COPS3: variants seen among roughly 807,000 people sequenced by gnomAD.
The protein encoded by COPS3 is COP9 signalosome complex subunit 3.
A neutral mutation model predicts 58.2 loss-of-function variants in COPS3; 10 were observed. The ratio of observed to expected loss-of-function variants is 0.17; its 90% CI spans 0.11 to 0.29. The LOEUF (loss-of-function observed/expected upper bound fraction) is 0.29, where lower values mean the gene tolerates loss of function less well. COPS3 is among the 10% of genes least tolerant of loss of function. COPS3 has a pLI of 1.00. For synonymous variants in COPS3, 187 were observed against 181.7 expected, an observed-to-expected ratio of 1.03 and a Z score of -0.24; for missense variants, 333 against 510.1, an observed-to-expected ratio of 0.65 and a Z score of 3.34.
intron 8 of COPS3, among the ~76,000 whole-genome samples, chr17:17,255,956 T>G (rs987687592): frequency 1.2e-4 from 18 of 150,086 alleles, no homozygotes; most frequent in Non-Finnish European, 7.4e-5. Context: ...GATCACGAGG[T>G]CAGGACATCG....
intron 2 of COPS3, among the ~76,000 whole-genome samples, chr17:17,273,192 A>T (rs2048388727): frequency 6.6e-6 from 1 of 152,202 alleles, no homozygotes; most frequent in Admixed American, 6.6e-5. Context: ...ATGTGTCCGG[A>T]GCAGAGTTTA....
At chr17:17,252,024 G>A (rs144615996) in intron 9 of COPS3, among the ~76,000 whole-genome samples, 4,514 of 151,672 alleles carry the variant, frequency 0.03, 95 homozygotes, top group African/African-American at 0.057. Flanking sequence ...AGCTGAGATC[G>A]CACCACTGCA....
Position 17,270,818 on chromosome 17 carries a change from T to C in COPS3, c.299-11A>G, listed in dbSNP as rs1278433383. The C allele has an allele frequency of 1.2e-6, 2 of 1,600,424 alleles. No homozygotes were observed. The highest frequency in any genetic ancestry group is 1.7e-6 in the Non-Finnish European group (2 of 1,172,692). On this transcript the variant is annotated splice_polypyrimidine_tract_variant and intron_variant, in intron 3 of 11. Coordinates refer to ENST00000268717, the MANE Select transcript of COPS3 (RefSeq NM_003653.4). Reference sequence around the variant, plus strand: ...GGCAAAGCCCAGCAACTAGATACAATAACAAAATATTCAAAATATAAATAT... The same window carrying C: ...GGCAAAGCCCAGCAACTAGATACAACAACAAAATATTCAAAATATAAATAT...
Position 17,265,113 on chromosome 17 carries a change from T to C in COPS3, c.442-132A>G, listed in dbSNP as rs142074707. The C allele has an allele frequency of 1.0e-5, 8 of 776,760 alleles. No homozygotes were observed. The East Asian group carries it at 2.1e-4, about 21-fold the overall frequency. The allele number at this position is 776,760 out of a possible 1,614,324, so 48.1% of individuals were successfully genotyped here. A position where few individuals can be genotyped will look rare whatever the true frequency, so the allele number is the denominator to read the frequency against. On this transcript the variant is annotated intron_variant, in intron 5 of 11. Coordinates refer to ENST00000268717, the MANE Select transcript of COPS3 (RefSeq NM_003653.4). ...TTTTACATTTTATTGACTAAAATTA[T>C]CTAAATGTCAACACATTTCATGTAT...
intron 8 of COPS3, among the ~76,000 whole-genome samples, chr17:17,258,275 G>A (rs1045342602): frequency 4.6e-5 from 7 of 152,104 alleles, no homozygotes; most frequent in Admixed American, 3.3e-4. Context: ...AGACCATTTC[G>A]AGTTGAGACT....
intron 7 of COPS3, 137 bp downstream of exon 7, chr17:17,261,829 T>C: frequency 1.5e-6 from 1 of 680,598 alleles, no homozygotes. Context: ...TAGCAGACAT[T>C]CAATAAATGT....
intron 7 of COPS3, chr17:17,261,695 A>AG (rs1369616746): frequency 2.8e-4 from 119 of 431,020 alleles, no homozygotes; most frequent in African/African-American, 2.3e-3. Flanking sequence ...CTCTGTCTCT[A>AG]GGGAAAAAAA....
At chr17:17,265,128 A>G (rs995933832) in intron 5 of COPS3, 147 bp from the exon 6 acceptor site, 1 of 725,228 alleles carries the variant, frequency 1.4e-6, no homozygotes, top group East Asian at 2.7e-5. Context: ...ATGTCAACAC[A>G]TTTCATGTAT....
intron 2 of COPS3, among the ~76,000 whole-genome samples, chr17:17,273,687 C>CA (rs1425416793): frequency 6.6e-6 from 1 of 152,012 alleles, no homozygotes; most frequent in Non-Finnish European, 1.5e-5. Flanking sequence ...CCTGTCTTTA[C>CA]AAAAAAACAC....
chr17:17,251,179 A>G (rs556370252), intron 9 of COPS3, among the ~76,000 whole-genome samples: 1 of 152,082 alleles, frequency 6.6e-6, no homozygotes, highest in Non-Finnish European at 1.5e-5. Context: ...TACTTTTAGT[A>G]GAGACGGGGT....
At chr17:17,248,840 C>A in intron 10 of COPS3, 86 bp downstream of exon 10, 1 of 865,674 alleles carries the variant, frequency 1.2e-6, no homozygotes, top group South Asian at 1.7e-5. Context: ...GTACTTAAAA[C>A]TAAAATTATC....
chr17:17,262,888 G>T (rs1254237861), intron 6 of COPS3, among the ~76,000 whole-genome samples: 1 of 151,636 alleles, frequency 6.6e-6, no homozygotes, highest in Non-Finnish European at 1.5e-5. Context: ...GAGCCACCAC[G>T]CCTGGCCACT....
chr17:17,261,526 C>CTAAATAAA (rs56073511), intron 7 of COPS3: 3,930 of 293,822 alleles, frequency 0.013, 167 homozygotes, highest in African/African-American at 0.085. Context: ...AACTCCATTT[C>CTAAATAAA]TAAATAAATA....
chr17:17,277,190 G>A lies in COPS3; in HGVS notation c.56-1026C>T, dbSNP rs184247837. ...CAGCATTCAGCAATCAACTTGTGGC[G>A]TCTCTAGACCCTCATCTCAGCTCCC... On this transcript the variant is annotated intron_variant, in intron 1 of 11. Transcript: ENST00000268717. 1.3e-3 allele frequency among the ~76,000 whole-genome samples: 204 copies of A among 152,184 alleles called. 1 individual carries two copies. The highest frequency in any genetic ancestry group is 4.2e-3 in the Admixed American group (64 of 15,288).
At chr17:17,273,449 T>C (rs992110400) in intron 2 of COPS3, among the ~76,000 whole-genome samples, 2 of 152,138 alleles carry the variant, frequency 1.3e-5, no homozygotes, top group East Asian at 1.9e-4. Flanking sequence ...TTCTTATTTA[T>C]ATGAAAGAGC....
intron 7 of COPS3, chr17:17,261,698 G>GGA: frequency 2.8e-6 from 1 of 362,600 alleles, no homozygotes; most frequent in Non-Finnish European, 5.2e-6. Context: ...TGTCTCTAGG[G>GGA]AAAAAAAAAA....
In COPS3 at chr17:17,281,242, G is replaced by T. The variant is rs953190687; in HGVS notation, c.-56C>A. ...GCAGCACGCGCGGGAAAAGGCTGCCGCTCTGGGAGGAGGGGCCGCGGCGAT... is the reference window on the plus strand; with the variant it reads ...GCAGCACGCGCGGGAAAAGGCTGCCTCTCTGGGAGGAGGGGCCGCGGCGAT... On this transcript the variant is annotated 5_prime_UTR_variant, in exon 1 of 12. Coordinates refer to ENST00000268717, the MANE Select transcript of COPS3 (RefSeq NM_003653.4). The T allele has an allele frequency of 1.2e-5, 18 of 1,560,656 alleles. No individual in the cohort carries two copies. The highest frequency in any genetic ancestry group is 1.8e-5 in the Admixed American group (1 of 54,692).
intron 5 of COPS3, among the ~76,000 whole-genome samples, chr17:17,266,384 G>A (rs1567856465): frequency 6.6e-6 from 1 of 152,166 alleles, no homozygotes; most frequent in Non-Finnish European, 1.5e-5. Context: ...GGATACACGA[G>A]AAATAACTAA....
intron 2 of COPS3, among the ~76,000 whole-genome samples, chr17:17,271,382 T>C (rs2048336811): frequency 6.6e-6 from 1 of 151,990 alleles, no homozygotes; most frequent in Non-Finnish European, 1.5e-5. Flanking sequence ...TGAGCTATGA[T>C]CATGCCACTG....
Sources: allele counts gnomAD v4.1 joint callset (sites outside exome capture counted in the v4.1 genomes callset), GRCh38; gene constraint gnomAD v4.1.1; transcripts MANE v1.5; gene names NCBI Gene and HGNC (gene_info 2026-07-23, HGNC 2026-07-21).